WWOX: variants seen among roughly 807,000 people sequenced by gnomAD.
The protein encoded by WWOX is WW domain-containing oxidoreductase.
A neutral mutation model predicts 46.2 loss-of-function variants in WWOX; 69 were observed. The observed-to-expected ratio is 1.49, with a 90% confidence interval of 1.23 to 1.82. The LOEUF is 1.82. Among genes scored for constraint, WWOX ranks in the 40% most tolerant of loss-of-function variants. The probability of loss-of-function intolerance (pLI) is 0.00; values close to 1 mark genes in which losing one functional copy is unlikely to be tolerated. For missense variants in WWOX, 919 were observed against 542.6 expected (o/e 1.69, Z -6.89); for synonymous variants, 359 against 202.6 (o/e 1.77, Z -6.56).
chr16:78,471,715 A>C (rs547732299), intron 8 of WWOX, among the ~76,000 whole-genome samples: 6 of 152,326 alleles, frequency 3.9e-5, no homozygotes, highest in South Asian at 4.1e-4. Flanking sequence ...AAAAATATAT[A>C]AGCAATAGTC....
intron 8 of WWOX, among the ~76,000 whole-genome samples, chr16:78,735,407 A>ACACACACT (rs2049066100): frequency 6.6e-6 from 1 of 150,702 alleles, no homozygotes; most frequent in African/African-American, 2.5e-5. Flanking sequence ...ACACACACAC[A>ACACACACT]CACACACACA....
intron 8 of WWOX, among the ~76,000 whole-genome samples, chr16:78,844,995 G>T (rs1312187639): frequency 6.6e-6 from 1 of 152,196 alleles, no homozygotes; most frequent in African/African-American, 2.4e-5. Flanking sequence ...AGCCTGAAAG[G>T]CTGTCTCCAA....
intron 8 of WWOX, among the ~76,000 whole-genome samples, chr16:78,917,972 C>T (rs981292509): frequency 7.2e-5 from 11 of 152,204 alleles, no homozygotes; most frequent in African/African-American, 2.6e-4. Flanking sequence ...GAAGTTGAGG[C>T]AGGAGGGCCA....
chr16:78,836,259 G>A (rs1341187751), intron 8 of WWOX, among the ~76,000 whole-genome samples: 2 of 152,048 alleles, frequency 1.3e-5, no homozygotes, highest in Non-Finnish European at 2.9e-5. Context: ...ACGGCTCCTT[G>A]GCAAGTTGTA....
chr16:78,597,896 A>G (rs983591924), intron 8 of WWOX, among the ~76,000 whole-genome samples: 2 of 151,960 alleles, frequency 1.3e-5, no homozygotes, highest in Non-Finnish European at 2.9e-5. Context: ...TTATCATATC[A>G]GAGCCTTTTC....
intron 7 of WWOX, among the ~76,000 whole-genome samples, chr16:78,431,359 TA>T (rs1183468488): frequency 6.6e-6 from 1 of 152,212 alleles, no homozygotes; most frequent in Non-Finnish European, 1.5e-5. Flanking sequence ...AACCCCTTTA[TA>T]ATCATTAATT....
chr16:78,399,676 A>G (rs988055878), intron 6 of WWOX, among the ~76,000 whole-genome samples: 29 of 152,180 alleles, frequency 1.9e-4, no homozygotes, highest in African/African-American at 7.0e-4. Context: ...ACTTGGAAAA[A>G]GGGTTTGAGT....
intron 5 of WWOX, among the ~76,000 whole-genome samples, chr16:78,365,548 G>T (rs2081516195): frequency 6.6e-6 from 1 of 152,120 alleles, no homozygotes; most frequent in Non-Finnish European, 1.5e-5. Context: ...GTCCATATGT[G>T]CTGTCCCCAG....
chr16:78,915,321 A>C (rs1246027710), intron 8 of WWOX, among the ~76,000 whole-genome samples: 1 of 152,232 alleles, frequency 6.6e-6, no homozygotes, highest in African/African-American at 2.4e-5. Context: ...CAATTCCATA[A>C]GAAGTAAATG....
chr16:78,645,222 GGAGGGTACCACCTCC>G (rs2046811551), intron 8 of WWOX, among the ~76,000 whole-genome samples: 1 of 152,096 alleles, frequency 6.6e-6, no homozygotes, highest in South Asian at 2.1e-4. Context: ...CTACCCTTGA[GGAGGGTACCACCTCC>G]TCATTGCTTA....
intron 8 of WWOX, among the ~76,000 whole-genome samples, chr16:78,834,120 C>T (rs930854131): frequency 1.3e-5 from 2 of 152,218 alleles, no homozygotes; most frequent in African/African-American, 2.4e-5. Context: ...AGTATGGAGC[C>T]TGTTAAGACC....
At chr16:78,461,437 G>A (rs976843986) in intron 8 of WWOX, among the ~76,000 whole-genome samples, 4 of 152,198 alleles carry the variant, frequency 2.6e-5, no homozygotes, top group Non-Finnish European at 5.9e-5. Flanking sequence ...AGAGAATTCT[G>A]GGCATGAGAA....
intron 8 of WWOX, among the ~76,000 whole-genome samples, chr16:78,589,472 C>T (rs1188232685): frequency 1.3e-5 from 2 of 152,114 alleles, no homozygotes; most frequent in African/African-American, 2.4e-5. Flanking sequence ...CAGTTCTGTC[C>T]TGCCACTCTT....
intron 8 of WWOX, among the ~76,000 whole-genome samples, chr16:79,167,220 G>A (rs1187865074): frequency 2.0e-5 from 3 of 152,132 alleles, no homozygotes; most frequent in Admixed American, 1.3e-4. Flanking sequence ...GGGATAACAG[G>A]CATGAACCAC....
At position 78,099,682 on chromosome 16, in the gene WWOX, C is replaced by A; in HGVS notation, c.-97C>A. The A allele has an allele frequency of 7.0e-7, 1 of 1,429,854 alleles. No individual in the cohort carries two copies. The highest frequency in any genetic ancestry group is 9.2e-7 in the Non-Finnish European group (1 of 1,088,412). 88.6% of individuals were successfully genotyped at this position (1,429,854 alleles called of 1,614,324 possible). ...GTGCGCAGGCGTGAGCGGTCGGGCC[C>A]CGACGCGCGCGGGTCTCGTTTGGAG... is the stretch of plus-strand genomic sequence containing the variant. On this transcript the variant is annotated 5_prime_UTR_variant, in exon 1 of 9. Coordinates refer to ENST00000566780, the MANE Select transcript of WWOX (RefSeq NM_016373.4).
chr16:78,192,295 G>C (rs1010060729), intron 5 of WWOX, among the ~76,000 whole-genome samples: 2 of 152,086 alleles, frequency 1.3e-5, no homozygotes, highest in Admixed American at 1.3e-4. Flanking sequence ...AGGAATTCGA[G>C]ACCAGTCTGG....
chr16:78,843,137 T>C (rs1407828103), intron 8 of WWOX, among the ~76,000 whole-genome samples: 1 of 149,960 alleles, frequency 6.7e-6, no homozygotes. Flanking sequence ...AAATAGTGCA[T>C]TCAATGGAGT....
chr16:79,047,283 G>C (rs970102402), intron 8 of WWOX, among the ~76,000 whole-genome samples: 1 of 152,190 alleles, frequency 6.6e-6, no homozygotes, highest in South Asian at 2.1e-4. Flanking sequence ...TGTGTGAGAA[G>C]CAAGTCTTAA....
At position 78,364,015 on chromosome 16, in the gene WWOX, C is replaced by G. The variant is rs72794087; in HGVS notation, c.517-22845C>G. ...ATTCTTCAAAACAATTTAATAAATG[C>G]TTACATTTTCTCTTGGCCCCGTGCC... is the stretch of plus-strand genomic sequence containing the variant. On this transcript the variant is annotated intron_variant, in intron 5 of 8. Coordinates refer to ENST00000566780, the MANE Select transcript of WWOX (RefSeq NM_016373.4). 7.0e-3 allele frequency among the ~76,000 whole-genome samples: 1,069 copies of G among 152,300 alleles called. 6 individuals carry two copies. The highest frequency in any genetic ancestry group is 0.017 in the Middle Eastern group (5 of 294).
Sources: gnomAD v4.1 joint callset for allele counts (sites outside exome capture counted in the v4.1 genomes callset) on GRCh38, gnomAD v4.1.1 for gene constraint, MANE v1.5 for transcripts, NCBI Gene and HGNC (gene_info 2026-07-23, HGNC 2026-07-21) for gene names.